CACNA1E: variants seen among roughly 807,000 people sequenced by gnomAD.
CACNA1E encodes calcium voltage-gated channel subunit alpha1 E, also known as voltage-dependent R-type calcium channel subunit alpha-1E.
A neutral mutation model predicts 259.2 loss-of-function variants in CACNA1E; 40 were observed. The ratio of observed to expected loss-of-function variants is 0.15; its 90% CI spans 0.12 to 0.20. The LOEUF is 0.20. Ranked by LOEUF, CACNA1E falls within the 10% of genes least tolerant of loss-of-function variation. The pLI is 1.00. For synonymous variants in CACNA1E, 1,104 were observed against 1,138.5 expected (o/e 0.97, Z 0.61); for missense variants, 1,874 against 3,040.1 (o/e 0.62, Z 9.02).
At chr1:181,578,106 A>C (rs958735162) in intron 4 of CACNA1E, among the ~76,000 whole-genome samples, 1 of 152,170 alleles carries the variant, frequency 6.6e-6, no homozygotes, top group African/African-American at 2.4e-5. Context: ...GTAAACAACA[A>C]AAAAGAAAAG....
chr1:181,612,700 G>T (rs2103117028), intron 6 of CACNA1E, among the ~76,000 whole-genome samples: 1 of 152,264 alleles, frequency 6.6e-6, no homozygotes, highest in Admixed American at 6.5e-5. Flanking sequence ...CATGCACAGA[G>T]ATATCATATT....
Position 181,343,310 on chromosome 1 carries a change from C to T in CACNA1E, c.-15+25187C>T, listed in dbSNP as rs536978887. On this transcript the variant is annotated intron_variant, in intron 1 of 11. Coordinates refer to the CACNA1E transcript ENST00000524607. Reference sequence around the variant, plus strand: ...TGTGACCTCCGGTGCTGGAGGTGGGCGTAGGGGGAGATGTTTGGGTCATAA... The same window carrying T: ...TGTGACCTCCGGTGCTGGAGGTGGGTGTAGGGGGAGATGTTTGGGTCATAA... 1.4e-4 allele frequency among the ~76,000 whole-genome samples: 22 copies of T among 152,130 alleles called. 1 individual carries two copies. In the South Asian group the frequency reaches 2.7e-3, roughly 19 times the overall value.
intron 6 of CACNA1E, among the ~76,000 whole-genome samples, chr1:181,629,688 G>A (rs1279152882): frequency 1.3e-5 from 2 of 151,986 alleles, no homozygotes; most frequent in Admixed American, 6.6e-5. Context: ...ACATTTATAA[G>A]AAAAAGACAA....
At chr1:181,369,771 C>G (rs763725042) in intron 1 of CACNA1E, among the ~76,000 whole-genome samples, 3 of 152,140 alleles carry the variant, frequency 2.0e-5, no homozygotes, top group African/African-American at 4.8e-5. Context: ...GAGAAACACC[C>G]TTGGTAGGAA....
intron 37 of CACNA1E, among the ~76,000 whole-genome samples, chr1:181,773,536 A>G (rs2073512065): frequency 6.6e-6 from 1 of 152,080 alleles, no homozygotes; most frequent in African/African-American, 2.4e-5. Context: ...ATAATGTATA[A>G]AGAAAAAACC....
intron 6 of CACNA1E, among the ~76,000 whole-genome samples, chr1:181,581,848 T>G (rs78158025): frequency 8.0e-4 from 122 of 152,320 alleles, no homozygotes; most frequent in African/African-American, 2.8e-3. Context: ...ACCGTCTGCC[T>G]TTACCTTAAG....
intron 41 of CACNA1E, 120 bp from the exon 42 acceptor site, chr1:181,785,194 TTGGA>T (rs1444313702): frequency 2.9e-6 from 2 of 678,808 alleles, no homozygotes; most frequent in East Asian, 5.4e-5. Flanking sequence ...TCAATATACA[TTGGA>T]TGAATGGGTG....
chr1:181,448,791 T>A (rs1163462171), intron 2 of CACNA1E, among the ~76,000 whole-genome samples: 1 of 152,198 alleles, frequency 6.6e-6, no homozygotes, highest in Non-Finnish European at 1.5e-5. Context: ...CTCCCCTGGG[T>A]GTGACAGGTG....
intron 6 of CACNA1E, among the ~76,000 whole-genome samples, chr1:181,598,269 C>T (rs1653397935): frequency 6.6e-6 from 1 of 152,192 alleles, no homozygotes; most frequent in African/African-American, 2.4e-5. Flanking sequence ...CTCCTGCCCT[C>T]AGGGAGACAA....
rs765519405 is a variant in CACNA1E, at chr1:181,711,078, G to C, written c.1171+9G>C. 2.8e-5 allele frequency: 44 copies of C among 1,591,808 alleles called. No homozygotes were observed. The East Asian group carries it at 4.9e-4, about 18-fold the overall frequency. Reference sequence around the variant, plus strand: ...CTGGATAGACAAAGCAGGTAGGCCTGGGGGGCTGCAGGAGGCTGGTGAGTG... The same window carrying C: ...CTGGATAGACAAAGCAGGTAGGCCTCGGGGGCTGCAGGAGGCTGGTGAGTG... On this transcript the variant is annotated intron_variant, in intron 8 of 47. Transcript: ENST00000367573.
intron 3 of CACNA1E, among the ~76,000 whole-genome samples, chr1:181,575,617 C>G (rs530733501): frequency 6.6e-6 from 1 of 152,260 alleles, no homozygotes; most frequent in South Asian, 2.1e-4. Flanking sequence ...CTGTTAAACT[C>G]AGGGTTGGAG....
intron 3 of CACNA1E, among the ~76,000 whole-genome samples, chr1:181,533,139 G>C (rs766877691): frequency 6.6e-6 from 1 of 151,940 alleles, no homozygotes; most frequent in African/African-American, 2.4e-5. Flanking sequence ...ATAGGGAATC[G>C]AGACAGAGAC....
chr1:181,597,169 C>G (rs1052625155), intron 6 of CACNA1E, among the ~76,000 whole-genome samples: 5 of 152,146 alleles, frequency 3.3e-5, no homozygotes, highest in African/African-American at 1.2e-4. Context: ...GCTGTGGCAA[C>G]CAATCTCTTT....
At chr1:181,598,763 CT>C (rs1205247279) in intron 6 of CACNA1E, among the ~76,000 whole-genome samples, 1 of 152,112 alleles carries the variant, frequency 6.6e-6, no homozygotes, top group African/African-American at 2.4e-5. Flanking sequence ...TTCATGCCTC[CT>C]TTGGTCTTTT....
chr1:181,504,551 A>G (rs568186405), intron 1 of CACNA1E, among the ~76,000 whole-genome samples: 3 of 152,332 alleles, frequency 2.0e-5, no homozygotes, highest in East Asian at 1.9e-4. Context: ...CTTCCCAAGC[A>G]TGTACCTACA....
At chr1:181,452,244 C>T (rs1207926811) in intron 2 of CACNA1E, among the ~76,000 whole-genome samples, 3 of 152,182 alleles carry the variant, frequency 2.0e-5, no homozygotes, top group African/African-American at 7.2e-5. Context: ...TTAGTAAAAG[C>T]AAATGCCTTT....
intron 7 of CACNA1E, among the ~76,000 whole-genome samples, chr1:181,684,813 G>T (rs1202576686): frequency 1.3e-5 from 2 of 150,412 alleles, no homozygotes; most frequent in Non-Finnish European, 3.0e-5. Flanking sequence ...TTTCATGTTT[G>T]GTGATAATGC....
intron 29 of CACNA1E, 32 bp from the exon 30 acceptor site, chr1:181,756,893 A>T: frequency 7.0e-7 from 1 of 1,432,372 alleles, no homozygotes; most frequent in Non-Finnish European, 9.8e-7. Flanking sequence ...ACTGTCATCC[A>T]CCATCTGTGC....
intron 35 of CACNA1E, among the ~76,000 whole-genome samples, chr1:181,770,823 G>A (rs993789533): frequency 2.6e-5 from 4 of 152,038 alleles, no homozygotes; most frequent in Middle Eastern, 3.2e-3. Flanking sequence ...AAATTGCAGG[G>A]TGGCATCTGC....
Sources: allele counts gnomAD v4.1 joint callset (sites outside exome capture counted in the v4.1 genomes callset), GRCh38; gene constraint gnomAD v4.1.1; transcripts MANE v1.5; gene names NCBI Gene and HGNC (gene_info 2026-07-23, HGNC 2026-07-21).